Variants in B3GALT1 observed in about 807,000 individuals in gnomAD.
B3GALT1 encodes UDP-Gal:betaGlcNAc beta 1,3-galactosyltransferase, polypeptide 1.
Under a neutral mutation model 23.2 loss-of-function variants are expected in B3GALT1, and 10 were observed. The observed-to-expected ratio is 0.43, with a 90% CI of 0.27 to 0.73. The LOEUF (loss-of-function observed/expected upper bound fraction) is 0.73. B3GALT1 is among the 30% of genes least tolerant of loss of function. The pLI, the probability that B3GALT1 is intolerant of heterozygous loss-of-function variation, is 0.21. For missense variants in B3GALT1, 299 were observed against 405.4 expected (o/e 0.74, Z 2.25); for synonymous variants, 156 against 141.5 (o/e 1.10, Z -0.73).
At chr2:167,640,522 T>C (rs1026379577) in intron 2 of B3GALT1, among the ~76,000 whole-genome samples, 3 of 145,402 alleles carry the variant, frequency 2.1e-5, no homozygotes, top group Non-Finnish European at 4.5e-5. Context: ...AAGTCTTTAA[T>C]TCACTTGTTT....
chr2:167,521,985 T>TATATATATATATATATATATATATATAC (rs1491425862), intron 2 of B3GALT1, among the ~76,000 whole-genome samples: 1 of 103,376 alleles, frequency 9.7e-6, no homozygotes, highest in Non-Finnish European at 1.9e-5. Context: ...TGTGTGTGTG[T>TATATATATATATATATATATATATATAC]ATATATATAT....
intron 3 of B3GALT1, among the ~76,000 whole-genome samples, chr2:167,672,967 A>G (rs1227097501): frequency 6.6e-6 from 1 of 150,802 alleles, no homozygotes; most frequent in Non-Finnish European, 1.5e-5. Context: ...TAGGAGTGTA[A>G]GAGAGAGAGA....
chr2:167,735,143 G>A (rs1035425709), intron 3 of B3GALT1, among the ~76,000 whole-genome samples: 7 of 152,208 alleles, frequency 4.6e-5, no homozygotes, highest in Non-Finnish European at 7.3e-5. Flanking sequence ...AGGCTTAAGC[G>A]AAGCATTAAA....
chr2:167,449,496 A>G (rs1268572903), intron 1 of B3GALT1, among the ~76,000 whole-genome samples: 2 of 152,132 alleles, frequency 1.3e-5, no homozygotes, highest in Non-Finnish European at 2.9e-5. Flanking sequence ...ACTTTTTGGA[A>G]AAGTCTTTAG....
chr2:167,396,543 T>C (rs1044568398), intron 1 of B3GALT1, among the ~76,000 whole-genome samples: 74 of 148,120 alleles, frequency 5.0e-4, no homozygotes, highest in African/African-American at 1.8e-3. Context: ...TATGTGTGTG[T>C]GTGTGTGTGT....
chr2:167,475,465 G>A (rs1043393194), intron 1 of B3GALT1, among the ~76,000 whole-genome samples: 4 of 152,036 alleles, frequency 2.6e-5, no homozygotes, highest in African/African-American at 9.7e-5. Flanking sequence ...TGACCTAAGA[G>A]AAGAAATTTT....
intron 3 of B3GALT1, among the ~76,000 whole-genome samples, chr2:167,742,657 A>G (rs1249659624): frequency 1.3e-5 from 2 of 152,186 alleles, no homozygotes; most frequent in Non-Finnish European, 2.9e-5. Flanking sequence ...TTGTTAAATA[A>G]TAAGAACCCA....
At chr2:167,777,431 C>G (rs1056882977) in intron 3 of B3GALT1, among the ~76,000 whole-genome samples, 1 of 152,234 alleles carries the variant, frequency 6.6e-6, no homozygotes, top group Non-Finnish European at 1.5e-5. Context: ...ACTGCAACCT[C>G]TGCTTCCTGG....
intron 3 of B3GALT1, among the ~76,000 whole-genome samples, chr2:167,653,417 C>T (rs370903191): frequency 2.6e-5 from 4 of 152,116 alleles, no homozygotes; most frequent in Non-Finnish European, 5.9e-5. Flanking sequence ...CAGCCGTGCC[C>T]ATGATGATCT....
intron 2 of B3GALT1, among the ~76,000 whole-genome samples, chr2:167,559,553 T>G (rs574289698): frequency 3.3e-5 from 5 of 152,140 alleles, no homozygotes; most frequent in South Asian, 4.1e-4. Context: ...GTTGAAAACT[T>G]TGAAAAAAAT....
chr2:167,816,672 A>G (rs1688997322), intron 3 of B3GALT1, among the ~76,000 whole-genome samples: 1 of 152,208 alleles, frequency 6.6e-6, no homozygotes. Flanking sequence ...TCCATAGTAA[A>G]TTCTACAAAA....
chr2:167,857,265 G>A (rs1690016647), intron 4 of B3GALT1, among the ~76,000 whole-genome samples: 1 of 151,892 alleles, frequency 6.6e-6, no homozygotes, highest in South Asian at 2.1e-4. Context: ...AAGTGATAAA[G>A]GAACAGGAGT....
At position 167,783,199 on chromosome 2, in the gene B3GALT1, TA is replaced by T. The variant is rs891002546; in HGVS notation, c.-351-35462del. ...TGATTAGAAAGAATAAAGAGGTATT[TA>T]AAAAAAAAAAGTAATGCCTCTTTCA... On this transcript the variant is annotated intron_variant, in intron 3 of 4. Transcript: ENST00000392690. 4.5e-3 allele frequency among the ~76,000 whole-genome samples: 655 copies of T among 146,216 alleles called. 2 individuals carry two copies. Among genetic ancestry groups the T allele is most frequent in the South Asian group, 5.4e-3 (25 of 4,628 alleles).
chr2:167,611,539 G>A (rs187865532), intron 2 of B3GALT1, among the ~76,000 whole-genome samples: 56 of 152,118 alleles, frequency 3.7e-4, no homozygotes, highest in Non-Finnish European at 7.5e-4. Flanking sequence ...CACCTGGCAA[G>A]ATGGCTGATT....
intron 3 of B3GALT1, among the ~76,000 whole-genome samples, chr2:167,689,061 A>G (rs1298313675): frequency 6.6e-6 from 1 of 152,042 alleles, no homozygotes; most frequent in East Asian, 1.9e-4. Flanking sequence ...TCTTACTAAA[A>G]TATTGCTGTT....
Position 167,351,955 on chromosome 2 carries a change from ATT to A in B3GALT1, c.-511+58643_-511+58644del, listed in dbSNP as rs71031283. ...CTGTGAAAGGAGAAGGCTGTTTTTG[ATT>A]TTTTTTTTTTTTTTTTTTTTTGAGT... On this transcript the variant is annotated intron_variant, in intron 1 of 4. Transcript: ENST00000392690. Among the ~76,000 whole-genome samples, 173 of 134,282 alleles carry A rather than the reference ATT, an allele frequency of 1.3e-3. 2 individuals carry two copies. The East Asian group carries it at 0.036, about 28-fold the overall frequency. 88.1% of individuals were successfully genotyped at this position (134,282 alleles called of 152,430 possible).
intron 3 of B3GALT1, chr2:167,715,152 A>T: frequency 6.2e-7 from 1 of 1,613,898 alleles, no homozygotes; most frequent in South Asian, 1.1e-5. Context: ...GGATCATCTA[A>T]GTAAGCACCA....
chr2:167,414,739 A>G (rs750265764), intron 1 of B3GALT1, among the ~76,000 whole-genome samples: 54 of 152,144 alleles, frequency 3.5e-4, no homozygotes, highest in Non-Finnish European at 7.1e-4. Flanking sequence ...TCAATCAACA[A>G]CTCTTTGATG....
intron 3 of B3GALT1, among the ~76,000 whole-genome samples, chr2:167,764,579 T>C (rs1246488829): frequency 6.6e-6 from 1 of 152,184 alleles, no homozygotes; most frequent in African/African-American, 2.4e-5. Context: ...CTTTTATACA[T>C]ATGTAAAATG....
Sources: allele counts gnomAD v4.1 joint callset (sites outside exome capture counted in the v4.1 genomes callset), GRCh38; gene constraint gnomAD v4.1.1; transcripts MANE v1.5; gene names NCBI Gene and HGNC (gene_info 2026-07-23, HGNC 2026-07-21).